DIP2C: variants seen among roughly 807,000 people sequenced by gnomAD.
DIP2C encodes DIP2 acetate--CoA ligase C (putative).
In DIP2C, 33 loss-of-function variants were observed where a neutral mutation model predicts 192.4. That is an observed-to-expected ratio of 0.17 (90% CI 0.13 to 0.23). The LOEUF (loss-of-function observed/expected upper bound fraction) is 0.23, where lower values mean the gene tolerates loss of function less well. Among genes scored for constraint, DIP2C ranks in the 10% least tolerant of loss-of-function variants. The pLI is 1.00. For missense variants in DIP2C, 1,537 were observed against 2,110.1 expected (o/e 0.73, Z 5.32); for synonymous variants, 979 against 864.1 (o/e 1.13, Z -2.33).
chr10:558,486 C>T (rs1588459915), intron 1 of DIP2C, among the ~76,000 whole-genome samples: 1 of 152,136 alleles, frequency 6.6e-6, no homozygotes, highest in Non-Finnish European at 1.5e-5. Context: ...CAGGCACCCT[C>T]GATGTAGATA....
At chr10:499,258 C>A (rs1042733964) in intron 1 of DIP2C, among the ~76,000 whole-genome samples, 1 of 152,072 alleles carries the variant, frequency 6.6e-6, no homozygotes, top group Non-Finnish European at 1.5e-5. Context: ...ACTGGCTGCT[C>A]GTTGGCAGCG....
chr10:683,825 A>T (rs75197899), intron 1 of DIP2C, among the ~76,000 whole-genome samples: 2 of 152,062 alleles, frequency 1.3e-5, no homozygotes, highest in Admixed American at 6.5e-5. Context: ...ATCACTGATT[A>T]AAAAAAATCA....
At position 647,898 on chromosome 10, in the gene DIP2C, T is replaced by C. The variant is rs576960436; in HGVS notation, c.85+41596A>G. Among the ~76,000 whole-genome samples, 279 of 147,550 alleles carry C rather than the reference T, an allele frequency of 1.9e-3. 1 individual carries two copies. The Middle Eastern group carries it at 0.019, about 10-fold the overall frequency. On this transcript the variant is annotated intron_variant, in intron 1 of 36. Transcript: ENST00000280886. ...CTGAGTCCACGTCGACATTGGATGG[T>C]GGGAGAGAACAGAGGGAAACTGAAT... is the stretch of plus-strand genomic sequence containing the variant.
chr10:472,742 C>G (rs527574563), intron 2 of DIP2C, among the ~76,000 whole-genome samples, 193 bp from the exon 3 acceptor site: 1 of 152,324 alleles, frequency 6.6e-6, no homozygotes, highest in South Asian at 2.1e-4. Flanking sequence ...AGGGAGACCC[C>G]TCCTGGCTAG....
chr10:357,767 TGGTC>T, intron 23 of DIP2C, 57 bp downstream of exon 23: 1 of 1,310,068 alleles, frequency 7.6e-7, no homozygotes, highest in Non-Finnish European at 1.1e-6. Flanking sequence ...TGGTCGCAGA[TGGTC>T]GGGGACAGTC....
At chr10:664,047 G>A (rs1021040212) in intron 1 of DIP2C, 2 of 151,944 alleles carry the variant, frequency 1.3e-5, no homozygotes, top group African/African-American at 4.9e-5. Flanking sequence ...AAGGGCTCCA[G>A]GGGGCCACAC....
intron 14 of DIP2C, among the ~76,000 whole-genome samples, chr10:385,162 C>A (rs1385141497): frequency 1.4e-5 from 2 of 145,398 alleles, no homozygotes; most frequent in African/African-American, 5.2e-5. Flanking sequence ...ACCCGAGGAT[C>A]AGCAGCTCTC....
At chr10:463,229 A>C (rs1969936584) in intron 3 of DIP2C, among the ~76,000 whole-genome samples, 1 of 152,238 alleles carries the variant, frequency 6.6e-6, no homozygotes. Context: ...TACAGATGAC[A>C]TGATTGTTAT....
intron 3 of DIP2C, among the ~76,000 whole-genome samples, chr10:446,332 G>A (rs756878575): frequency 9.6e-5 from 14 of 145,726 alleles, no homozygotes; most frequent in South Asian, 2.2e-4. Flanking sequence ...ACTGGACATC[G>A]GTATACAACT....
At chr10:584,491 C>G (rs574074462) in intron 1 of DIP2C, among the ~76,000 whole-genome samples, 1 of 143,264 alleles carries the variant, frequency 7.0e-6, no homozygotes, top group Non-Finnish European at 1.5e-5. Context: ...CCCCCACTCA[C>G]GCGCATCACC....
In DIP2C at chr10:468,571, A is replaced by G. The variant is rs184929616; in HGVS notation, c.268+3868T>C. Reference sequence around the variant, plus strand: ...AGGTCGGGAGTTCTAGACCAGCCTGACCAACATGGAGAAACCCTGTTTCTA... The same window carrying G: ...AGGTCGGGAGTTCTAGACCAGCCTGGCCAACATGGAGAAACCCTGTTTCTA... On this transcript the variant is annotated intron_variant, in intron 3 of 36. Transcript: ENST00000280886. 2.4e-4 allele frequency among the ~76,000 whole-genome samples: 37 copies of G among 151,980 alleles called. 1 individual carries two copies. In the East Asian group the frequency reaches 7.2e-3, roughly 29 times the overall value.
chr10:574,874 T>TA (rs1325368001), intron 1 of DIP2C, among the ~76,000 whole-genome samples: 1 of 152,202 alleles, frequency 6.6e-6, no homozygotes, highest in African/African-American at 2.4e-5. Flanking sequence ...AGCCTGCTGT[T>TA]ACAATTTACT....
chr10:369,596 C>T lies in DIP2C; in HGVS notation c.2029G>A (p.Val677Ile), dbSNP rs1435584099. Residue 677 changes from valine to isoleucine, a missense_variant, in exon 18 of 37, where the codon GTC becomes ATC. Physicochemically the swap from Val to Ile is conservative, Grantham distance 29 (BLOSUM62 3). Transcript: ENST00000280886. ...TAGGTCAGTCCATGCATGGAGAGGACACCCCGGCCCGGGGGCTGGTTACTG... is the reference window on the plus strand; with the variant it reads ...TAGGTCAGTCCATGCATGGAGAGGATACCCCGGCCCGGGGGCTGGTTACTG... Reference protein sequence around the residue: ...DDSNQPPGRGVLSMHGLTYGV... With the variant: ...DDSNQPPGRGILSMHGLTYGV... The T allele has an allele frequency of 6.2e-7, 1 of 1,613,566 alleles. No homozygotes were observed. The highest frequency in any genetic ancestry group is 1.3e-5 in the African/African-American group (1 of 75,068).
intron 9 of DIP2C, among the ~76,000 whole-genome samples, chr10:405,183 G>C (rs570973355): frequency 2.6e-5 from 4 of 152,350 alleles, no homozygotes; most frequent in African/African-American, 9.6e-5. Context: ...GAGAGGATGC[G>C]TGTCATCCCC....
intron 1 of DIP2C, among the ~76,000 whole-genome samples, chr10:547,791 C>CT (rs1262877883): frequency 6.6e-6 from 1 of 152,166 alleles, no homozygotes; most frequent in East Asian, 1.9e-4. Context: ...GTCACGTCCC[C>CT]TCTCTGCAGG....
At chr10:612,616 G>T (rs562110035) in intron 1 of DIP2C, among the ~76,000 whole-genome samples, 1 of 152,108 alleles carries the variant, frequency 6.6e-6, no homozygotes, top group African/African-American at 2.4e-5. Flanking sequence ...TACGTCCTTT[G>T]AAAGGCTGGA....
At chr10:350,252 A>T (rs1208342849) in intron 24 of DIP2C, among the ~76,000 whole-genome samples, 4 of 151,688 alleles carry the variant, frequency 2.6e-5, no homozygotes, top group Non-Finnish European at 4.4e-5. Flanking sequence ...GGCTAATTTT[A>T]AAAAAAAATT....
At chr10:593,101 C>CA (rs1383586938) in intron 1 of DIP2C, among the ~76,000 whole-genome samples, 1 of 152,052 alleles carries the variant, frequency 6.6e-6, no homozygotes, top group Non-Finnish European at 1.5e-5. Context: ...CTCATGCCTG[C>CA]AATCCCAGCA....
At chr10:686,295 G>A (rs750888250) in intron 1 of DIP2C, among the ~76,000 whole-genome samples, 133 of 149,340 alleles carry the variant, frequency 8.9e-4, no homozygotes, top group Non-Finnish European at 1.4e-3. Flanking sequence ...CAGGGCCTCC[G>A]CACCCTCACG....
Sources: gnomAD v4.1 joint callset for allele counts (sites outside exome capture counted in the v4.1 genomes callset) on GRCh38, gnomAD v4.1.1 for gene constraint, MANE v1.5 for transcripts, NCBI Gene and HGNC (gene_info 2026-07-23, HGNC 2026-07-21) for gene names.